The following GALNT17 variants were observed in gnomAD, a reference collection of about 807,000 sequenced individuals.
GALNT17 encodes the protein polypeptide N-acetylgalactosaminyltransferase 17.
In GALNT17, 29 loss-of-function variants were observed where a neutral mutation model predicts 63.7. The observed-to-expected ratio is 0.46, with a 90% CI of 0.34 to 0.62. GALNT17 has a LOEUF of 0.62. Among genes scored for constraint, GALNT17 ranks in the 20% least tolerant of loss-of-function variants. The pLI is 0.01. For missense variants in GALNT17, 603 were observed against 799.6 expected, an observed-to-expected ratio of 0.75 and a Z score of 2.97; for synonymous variants, 305 against 318.3, an observed-to-expected ratio of 0.96 and a Z score of 0.45.
rs150259140 is a variant in GALNT17, at chr7:71,191,629, C to T, written c.238+58589C>T. Reference sequence around the variant, plus strand: ...GGAGTTTCGTTGCTTTTTATTGCTGCGTCGTCTTCTATGTGTGGATCTGTC... The same window carrying T: ...GGAGTTTCGTTGCTTTTTATTGCTGTGTCGTCTTCTATGTGTGGATCTGTC... On this transcript the variant is annotated intron_variant, in intron 1 of 10. Coordinates refer to ENST00000333538, the MANE Select transcript of GALNT17 (RefSeq NM_022479.3). 1.1e-3 allele frequency among the ~76,000 whole-genome samples: 174 copies of T among 152,248 alleles called. 1 individual carries two copies. The highest frequency in any genetic ancestry group is 3.1e-3 in the Admixed American group (47 of 15,280).
At chr7:71,141,170 C>G (rs1787882772) in intron 1 of GALNT17, among the ~76,000 whole-genome samples, 1 of 152,062 alleles carries the variant, frequency 6.6e-6, no homozygotes, top group Admixed American at 6.6e-5. Flanking sequence ...AGTTCAAGAC[C>G]AGCCTGGCCA....
chr7:71,254,496 T>C (rs1021221768), intron 1 of GALNT17, among the ~76,000 whole-genome samples: 5 of 152,224 alleles, frequency 3.3e-5, no homozygotes, highest in Admixed American at 3.3e-4. Flanking sequence ...GCCTCCCATC[T>C]ATCATGTTGG....
At chr7:71,441,018 T>TC (rs1787056817) in intron 5 of GALNT17, among the ~76,000 whole-genome samples, 1 of 104,880 alleles carries the variant, frequency 9.5e-6, no homozygotes, top group Non-Finnish European at 2.5e-5. Flanking sequence ...TTGTTGTTGT[T>TC]CTTTTTTTTT....
At chr7:71,272,488 A>G (rs1790611299) in intron 1 of GALNT17, among the ~76,000 whole-genome samples, 3 of 152,176 alleles carry the variant, frequency 2.0e-5, no homozygotes, top group Admixed American at 6.5e-5. Flanking sequence ...CCTTGGTGAC[A>G]CTTGGTATTG....
rs1205926808 is a variant in GALNT17 at position 71,668,830 on chromosome 7, G to C, written c.1267-1142G>C. Among the ~76,000 whole-genome samples, 4 of 152,096 alleles carry C rather than the reference G, an allele frequency of 2.6e-5. No homozygotes were observed. The East Asian group carries it at 7.7e-4, about 29-fold the overall frequency. On this transcript the variant is annotated intron_variant, in intron 7 of 10. Transcript: ENST00000333538. Reference sequence around the variant, plus strand: ...CCATTATGGGTTCATTTCTGTAAAAGCAGAGTGAATTATTCATTAGAACAT... The same window carrying C: ...CCATTATGGGTTCATTTCTGTAAAACCAGAGTGAATTATTCATTAGAACAT...
chr7:71,647,664 TC>T (rs1415662065), intron 6 of GALNT17, among the ~76,000 whole-genome samples: 2 of 152,204 alleles, frequency 1.3e-5, no homozygotes, highest in African/African-American at 4.8e-5. Flanking sequence ...TGTCCACTGT[TC>T]CTAGGGATGT....
intron 5 of GALNT17, among the ~76,000 whole-genome samples, chr7:71,456,140 G>A (rs1171323462): frequency 6.6e-6 from 1 of 152,102 alleles, no homozygotes. Context: ...CAGCTATTCA[G>A]GAGGCTGAGG....
At chr7:71,598,172 G>A (rs563404371) in intron 6 of GALNT17, among the ~76,000 whole-genome samples, 1 of 152,278 alleles carries the variant, frequency 6.6e-6, no homozygotes, top group African/African-American at 2.4e-5. Flanking sequence ...TCGAACTCCT[G>A]ACCTTGTGCT....
intron 1 of GALNT17, among the ~76,000 whole-genome samples, chr7:71,275,142 C>T (rs578075437): frequency 3.9e-5 from 6 of 152,288 alleles, no homozygotes; most frequent in South Asian, 2.1e-4. Flanking sequence ...TTAATCTCTC[C>T]GGCACCTCTC....
intron 3 of GALNT17, among the ~76,000 whole-genome samples, chr7:71,404,391 C>T (rs761610996): frequency 6.6e-6 from 1 of 152,170 alleles, no homozygotes; most frequent in African/African-American, 2.4e-5. Flanking sequence ...ACTATGGAAT[C>T]GCCCTCAAAA....
At chr7:71,405,141 A>G (rs552660465) in intron 3 of GALNT17, among the ~76,000 whole-genome samples, 1 of 152,352 alleles carries the variant, frequency 6.6e-6, no homozygotes, top group African/African-American at 2.4e-5. Flanking sequence ...TGAGGGAGCC[A>G]GCTCTCAGGA....
chr7:71,396,244 C>G (rs1450368971), intron 3 of GALNT17, among the ~76,000 whole-genome samples: 1 of 152,070 alleles, frequency 6.6e-6, no homozygotes, highest in African/African-American at 2.4e-5. Context: ...TTTTATAGTC[C>G]TAGCACTTCC....
intron 9 of GALNT17, among the ~76,000 whole-genome samples, chr7:71,683,117 C>T (rs1791295273): frequency 6.6e-6 from 1 of 152,080 alleles, no homozygotes; most frequent in Non-Finnish European, 1.5e-5. Context: ...AACGGCAAAC[C>T]GGATTAGGCT....
At chr7:71,608,974 T>C (rs988909863) in intron 6 of GALNT17, among the ~76,000 whole-genome samples, 1 of 139,646 alleles carries the variant, frequency 7.2e-6, no homozygotes. Flanking sequence ...AGCGATGGGG[T>C]CCTGTTTTGT....
At chr7:71,487,229 T>C (rs1563129579) in intron 5 of GALNT17, among the ~76,000 whole-genome samples, 1 of 152,208 alleles carries the variant, frequency 6.6e-6, no homozygotes, top group Non-Finnish European at 1.5e-5. Context: ...ATGGGGCCTA[T>C]GACAAGTGTC....
intron 1 of GALNT17, among the ~76,000 whole-genome samples, chr7:71,258,583 A>G (rs1268931847): frequency 1.3e-5 from 2 of 152,250 alleles, no homozygotes; most frequent in Non-Finnish European, 2.9e-5. Context: ...AACTGCAAAT[A>G]AACACAGTAA....
At chr7:71,211,478 C>A (rs1203263254) in intron 1 of GALNT17, among the ~76,000 whole-genome samples, 2 of 152,192 alleles carry the variant, frequency 1.3e-5, no homozygotes, top group Non-Finnish European at 2.9e-5. Context: ...AGCATGAAAA[C>A]AGACGAATAC....
intron 10 of GALNT17, 59 bp from the exon 11 acceptor site, chr7:71,711,959 C>G: frequency 6.3e-7 from 1 of 1,576,720 alleles, no homozygotes; most frequent in Non-Finnish European, 8.7e-7. Flanking sequence ...CTCTATATCT[C>G]TCGCTGTCTC....
At chr7:71,476,142 C>T (rs1787718913) in intron 5 of GALNT17, among the ~76,000 whole-genome samples, 1 of 152,180 alleles carries the variant, frequency 6.6e-6, no homozygotes, top group Non-Finnish European at 1.5e-5. Flanking sequence ...AAGAGAATAA[C>T]GGGATTATGA....
Sources: gnomAD v4.1 joint callset for allele counts (sites outside exome capture counted in the v4.1 genomes callset) on GRCh38, gnomAD v4.1.1 for gene constraint, MANE v1.5 for transcripts, NCBI Gene and HGNC (gene_info 2026-07-23, HGNC 2026-07-21) for gene names.